The following ARHGAP44 variants were observed in gnomAD, a reference collection of about 807,000 sequenced individuals.
ARHGAP44 encodes the protein rho GTPase-activating protein 44.
In ARHGAP44, 43 loss-of-function variants were observed where a neutral mutation model predicts 106.8. The ratio of observed to expected loss-of-function variants is 0.40; its 90% CI spans 0.32 to 0.52. The LOEUF (loss-of-function observed/expected upper bound fraction) is 0.52. Among genes scored for constraint, ARHGAP44 ranks in the 20% least tolerant of loss-of-function variants. The pLI, the probability that ARHGAP44 is intolerant of heterozygous loss-of-function variation, is 0.48. For synonymous variants in ARHGAP44, 439 were observed against 410.3 expected (o/e 1.07, Z -0.85); for missense variants, 866 against 1,050.5 (o/e 0.82, Z 2.43).
chr17:12,965,486 T>C (rs2039368478), intron 16 of ARHGAP44, among the ~76,000 whole-genome samples: 1 of 152,200 alleles, frequency 6.6e-6, no homozygotes, highest in South Asian at 2.1e-4. Flanking sequence ...AGATGTTCAG[T>C]AATTTGGAAA....
At chr17:12,907,597 A>G (rs1427330991) in intron 3 of ARHGAP44, among the ~76,000 whole-genome samples, 2 of 152,096 alleles carry the variant, frequency 1.3e-5, no homozygotes, top group African/African-American at 4.8e-5. Context: ...TGTCTAGGTT[A>G]TTTCACTTAG....
At chr17:12,989,640 GTC>G (rs1418984750) in intron 20 of ARHGAP44, among the ~76,000 whole-genome samples, 1 of 152,128 alleles carries the variant, frequency 6.6e-6, no homozygotes, top group African/African-American at 2.4e-5. Context: ...GGGGTCCACT[GTC>G]TCACGTCCTG....
chr17:12,906,593 A>G (rs931251113), intron 3 of ARHGAP44, among the ~76,000 whole-genome samples: 4 of 152,216 alleles, frequency 2.6e-5, no homozygotes, highest in African/African-American at 9.7e-5. Flanking sequence ...AAAAGAGTAA[A>G]CTTAGGGCAA....
At chr17:12,875,955 AT>A (rs34542813) in intron 1 of ARHGAP44, among the ~76,000 whole-genome samples, 73,365 of 151,994 alleles carry the variant, frequency 0.48, 20,221 homozygotes, top group East Asian at 0.62. Context: ...AAAAAAAAAA[AT>A]GTATTGATGA....
intron 1 of ARHGAP44, among the ~76,000 whole-genome samples, chr17:12,812,994 C>T (rs1483895002): frequency 1.3e-5 from 2 of 152,222 alleles, no homozygotes; most frequent in African/African-American, 4.8e-5. Flanking sequence ...CCCATGCACA[C>T]ATGCAAGGGC....
chr17:12,791,238 G>A (rs1203754851), intron 1 of ARHGAP44, among the ~76,000 whole-genome samples: 2 of 152,198 alleles, frequency 1.3e-5, no homozygotes, highest in East Asian at 1.9e-4. Context: ...TTTAACATGA[G>A]GGGGAATTTA....
chr17:12,865,775 C>T (rs1435728904), intron 1 of ARHGAP44, among the ~76,000 whole-genome samples: 6 of 131,846 alleles, frequency 4.6e-5, no homozygotes, highest in Admixed American at 9.0e-5. Flanking sequence ...GGCAACAGAG[C>T]GAGACTCATC....
At chr17:12,838,734 C>G (rs561263923) in intron 1 of ARHGAP44, among the ~76,000 whole-genome samples, 1 of 152,042 alleles carries the variant, frequency 6.6e-6, no homozygotes, top group Non-Finnish European at 1.5e-5. Context: ...TGCAGTGGAG[C>G]GACCTTGGCT....
At chr17:12,912,579 T>C (rs1048162000) in intron 4 of ARHGAP44, among the ~76,000 whole-genome samples, 7 of 152,106 alleles carry the variant, frequency 4.6e-5, no homozygotes, top group Non-Finnish European at 7.4e-5. Context: ...AAAAGGCCCA[T>C]TGAGCTCCAA....
At chr17:12,950,660 C>T (rs975902237) in intron 12 of ARHGAP44, among the ~76,000 whole-genome samples, 2 of 151,964 alleles carry the variant, frequency 1.3e-5, no homozygotes, top group Non-Finnish European at 2.9e-5. Context: ...CACACAACAG[C>T]AGGGTGGGAG....
intron 16 of ARHGAP44, among the ~76,000 whole-genome samples, chr17:12,963,216 G>A (rs1210148153): frequency 1.3e-5 from 2 of 152,106 alleles, no homozygotes; most frequent in East Asian, 3.9e-4. Context: ...GGGAGTGTTG[G>A]AATCTGATTG....
chr17:12,943,663 C>G lies in ARHGAP44; in HGVS notation c.727C>G (p.Gln243Glu). 1 of 1,613,764 alleles carries G rather than the reference C, an allele frequency of 6.2e-7. No individual in the cohort carries two copies. Among genetic ancestry groups the G allele is most frequent in the Non-Finnish European group, 8.5e-7 (1 of 1,179,870 alleles). ...GGCTGTATTGCCTCAGATCAAAGCA[C>G]AACAGGGTAAGTGCAGGCCTTCCCT... ...LQAVLPQIKA[Q>E]QEAWVEKPSF... The change falls in exon 9 of 21, where the codon CAA becomes GAA. Residue 243 changes from glutamine (Q) to glutamate (E), a missense_variant. This residue lies in a region of ARHGAP44 where 448 missense variants were observed against 646.9 expected (regional missense o/e 0.69). Transcript: ENST00000379672.
chr17:12,989,701 CA>C (rs142702301), intron 20 of ARHGAP44, among the ~76,000 whole-genome samples: 1 of 152,130 alleles, frequency 6.6e-6, no homozygotes, highest in African/African-American at 2.4e-5. Flanking sequence ...TATAGATCCC[CA>C]AAAAGGTGTC....
At chr17:12,978,737 G>A (rs975135467) in intron 18 of ARHGAP44, among the ~76,000 whole-genome samples, 1 of 148,186 alleles carries the variant, frequency 6.7e-6, no homozygotes. Flanking sequence ...TGCCCAGGCT[G>A]GAGTGCAGTG....
chr17:12,868,591 T>TTTTATATATATATATA (rs1278978418), intron 1 of ARHGAP44, among the ~76,000 whole-genome samples: 5 of 47,140 alleles, frequency 1.1e-4, no homozygotes, highest in Admixed American at 3.0e-4. Flanking sequence ...TATATGCATT[T>TTTTATATATATATATA]TATATATATA....
chr17:12,906,534 G>A (rs1019665220), intron 3 of ARHGAP44, among the ~76,000 whole-genome samples: 1 of 152,186 alleles, frequency 6.6e-6, no homozygotes, highest in Non-Finnish European at 1.5e-5. Flanking sequence ...CACTTTAGTT[G>A]TATTTATCAG....
chr17:12,809,382 T>C (rs1395114586), intron 1 of ARHGAP44, among the ~76,000 whole-genome samples: 2 of 152,306 alleles, frequency 1.3e-5, no homozygotes, highest in East Asian at 3.9e-4. Flanking sequence ...TTTAATTGAC[T>C]CACAGTTCCA....
At chr17:12,989,125 AC>A (rs2040043061) in intron 20 of ARHGAP44, among the ~76,000 whole-genome samples, 2 of 147,254 alleles carry the variant, frequency 1.4e-5, no homozygotes, top group Non-Finnish European at 3.0e-5. Context: ...AAAAAAAAAA[AC>A]TAAGCAGGCG....
At chr17:12,980,857 G>A (rs2143411337) in intron 19 of ARHGAP44, 1 of 152,316 alleles carries the variant, frequency 6.6e-6, no homozygotes, top group South Asian at 2.1e-4. Flanking sequence ...TCTTTGCAGA[G>A]TCTTTCACTC....
Sources: gnomAD v4.1 joint callset for allele counts (sites outside exome capture counted in the v4.1 genomes callset) on GRCh38, gnomAD v4.1.1 for gene constraint, gnomAD v4.1.1 regional missense constraint, MANE v1.5 for transcripts, NCBI Gene and HGNC (gene_info 2026-07-23, HGNC 2026-07-21) for gene names.